KIF16B: variants seen among roughly 807,000 people sequenced by gnomAD.
KIF16B encodes the protein kinesin family member 16B.
Under a neutral mutation model 156.3 loss-of-function variants are expected in KIF16B, and 98 were observed. The observed-to-expected ratio is 0.63, with a 90% confidence interval of 0.53 to 0.74. KIF16B has a LOEUF of 0.74. KIF16B is among the 30% of genes least tolerant of loss of function. The pLI is 0.00. For missense variants in KIF16B, 1,421 were observed against 1,606.5 expected (o/e 0.88, Z 1.97); for synonymous variants, 564 against 583.7 (o/e 0.97, Z 0.49).
At chr20:16,392,407 G>A (rs1235954919) in intron 17 of KIF16B, among the ~76,000 whole-genome samples, 1 of 152,188 alleles carries the variant, frequency 6.6e-6, no homozygotes, top group Non-Finnish European at 1.5e-5. Flanking sequence ...GGCCCAAGAA[G>A]GGGCTGGTTT....
chr20:16,538,038 C>T, intron 1 of KIF16B, among the ~76,000 whole-genome samples: 1 of 152,062 alleles, frequency 6.6e-6, no homozygotes, highest in South Asian at 2.1e-4. Context: ...TGTCTTGGGT[C>T]CAGTTTGACT....
chr20:16,416,806 A>AT (rs992718709), intron 15 of KIF16B, among the ~76,000 whole-genome samples: 1 of 151,944 alleles, frequency 6.6e-6, no homozygotes, highest in African/African-American at 2.4e-5. Context: ...TGAATTTACC[A>AT]TTTTTTGCCT....
At chr20:16,309,360 A>G (rs1260408461) in intron 25 of KIF16B, among the ~76,000 whole-genome samples, 1 of 152,176 alleles carries the variant, frequency 6.6e-6, no homozygotes, top group Admixed American at 6.5e-5. Flanking sequence ...GCAGTATGTT[A>G]AATGTTACAA....
At chr20:16,390,906 A>C (rs2065347494) in intron 17 of KIF16B, among the ~76,000 whole-genome samples, 1 of 152,244 alleles carries the variant, frequency 6.6e-6, no homozygotes, top group Non-Finnish European at 1.5e-5. Flanking sequence ...TGAGTGAAAC[A>C]GAGTGAAAGA....
intron 23 of KIF16B, among the ~76,000 whole-genome samples, chr20:16,345,757 T>G (rs2064221895): frequency 6.6e-6 from 1 of 152,216 alleles, no homozygotes; most frequent in Non-Finnish European, 1.5e-5. Flanking sequence ...AGGCTGGAGC[T>G]GAACTCCTAG....
chr20:16,532,166 T>C (rs760707501), intron 1 of KIF16B, among the ~76,000 whole-genome samples: 7 of 115,770 alleles, frequency 6.0e-5, no homozygotes, highest in Non-Finnish European at 1.0e-4. Flanking sequence ...ATTGTAGGTA[T>C]GATAATAGTA....
intron 23 of KIF16B, among the ~76,000 whole-genome samples, chr20:16,340,435 A>C (rs1296633708): frequency 2.0e-5 from 3 of 152,206 alleles, no homozygotes; most frequent in Non-Finnish European, 4.4e-5. Flanking sequence ...ACTAGAATGT[A>C]AGCTCTAAGG....
intron 22 of KIF16B, among the ~76,000 whole-genome samples, chr20:16,363,653 C>G (rs959089205): frequency 6.6e-6 from 1 of 152,098 alleles, no homozygotes; most frequent in African/African-American, 2.4e-5. Context: ...CAGGACTGCC[C>G]TTCTGTGTTT....
chr20:16,371,122 TATAAA>T (rs1449616004), intron 21 of KIF16B, among the ~76,000 whole-genome samples: 2 of 152,342 alleles, frequency 1.3e-5, no homozygotes, highest in African/African-American at 2.4e-5. Flanking sequence ...ATTACAAAAT[TATAAA>T]ATAAAGTTAC....
intron 15 of KIF16B, among the ~76,000 whole-genome samples, chr20:16,417,894 A>G (rs755590487): frequency 5.9e-5 from 9 of 152,140 alleles, no homozygotes; most frequent in Non-Finnish European, 8.8e-5. Flanking sequence ...CTGTGAGACA[A>G]TAGTAAAATA....
chr20:16,409,034 C>CAG (rs1415312400), intron 15 of KIF16B, among the ~76,000 whole-genome samples: 1 of 151,928 alleles, frequency 6.6e-6, no homozygotes, highest in Non-Finnish European at 1.5e-5. Flanking sequence ...TAAAAAATGT[C>CAG]AGAGAGAGAG....
intron 25 of KIF16B, among the ~76,000 whole-genome samples, chr20:16,275,055 CTTTT>C (rs4052896): frequency 1.4e-5 from 2 of 140,414 alleles, no homozygotes; most frequent in African/African-American, 5.3e-5. Context: ...ATAAATTGTA[CTTTT>C]TTTTTTTTTT....
intron 15 of KIF16B, among the ~76,000 whole-genome samples, chr20:16,419,681 T>C (rs1253633135): frequency 3.3e-5 from 5 of 152,278 alleles, no homozygotes; most frequent in South Asian, 2.1e-4. Flanking sequence ...AGTCCACTTA[T>C]GTGAATGGAA....
intron 22 of KIF16B, among the ~76,000 whole-genome samples, chr20:16,364,170 C>A (rs937533932): frequency 1.3e-5 from 2 of 152,150 alleles, no homozygotes; most frequent in African/African-American, 4.8e-5. Context: ...GTAATGAGAA[C>A]AGGGAGACAC....
chr20:16,381,586 C>A, intron 18 of KIF16B, 108 bp downstream of exon 18: 1 of 684,826 alleles, frequency 1.5e-6, no homozygotes, highest in Non-Finnish European at 2.3e-6. Context: ...ATAACAGACA[C>A]AGAGCAAGGG....
chr20:16,333,330 C>G (rs1281144951), intron 24 of KIF16B, among the ~76,000 whole-genome samples: 1 of 152,116 alleles, frequency 6.6e-6, no homozygotes, highest in Non-Finnish European at 1.5e-5. Flanking sequence ...GTCCACTACC[C>G]AGCTCTCATG....
chr20:16,532,311 C>T lies in KIF16B; in HGVS notation c.48-3871G>A, dbSNP rs200411836. The stretch of plus-strand genomic sequence containing the variant: ...GGGGTAACATCTTGGCCAGCTCAGA[C>T]GAACAGAGACAAAATAAATATCAGT... On this transcript the variant is annotated intron_variant, in intron 1 of 25. Transcript: ENST00000354981. Among the ~76,000 whole-genome samples, 16 of 152,196 alleles carry T rather than the reference C, an allele frequency of 1.1e-4. No individual in the cohort carries two copies. In the East Asian group the frequency reaches 1.2e-3, roughly 11 times the overall value.
At chr20:16,542,377 A>G (rs1296209343) in intron 1 of KIF16B, among the ~76,000 whole-genome samples, 6 of 152,220 alleles carry the variant, frequency 3.9e-5, no homozygotes, top group Non-Finnish European at 8.8e-5. Flanking sequence ...TCAGTGCAGG[A>G]ATAAAATGGT....
chr20:16,480,247 T>C (rs573354785), intron 12 of KIF16B, among the ~76,000 whole-genome samples: 17 of 152,294 alleles, frequency 1.1e-4, no homozygotes, highest in South Asian at 1.0e-3. Context: ...AAAGCCCTCA[T>C]TGAAGACCTT....
Sources: allele counts gnomAD v4.1 joint callset (sites outside exome capture counted in the v4.1 genomes callset), GRCh38; gene constraint gnomAD v4.1.1; transcripts MANE v1.5; gene names NCBI Gene and HGNC (gene_info 2026-07-23, HGNC 2026-07-21).